PPARGC1A: variants seen among roughly 807,000 people sequenced by gnomAD.
The protein encoded by PPARGC1A is peroxisome proliferator-activated receptor gamma coactivator 1-alpha.
In PPARGC1A, 25 loss-of-function variants were observed where a neutral mutation model predicts 88.7. That is an observed-to-expected ratio of 0.28 (90% CI 0.21 to 0.39). The LOEUF (loss-of-function observed/expected upper bound fraction) is 0.39. Ranked by LOEUF, PPARGC1A falls within the 10% of genes least tolerant of loss-of-function variation. The probability of loss-of-function intolerance (pLI) is 1.00; values close to 1 mark genes in which losing one functional copy is unlikely to be tolerated. For synonymous variants in PPARGC1A, 363 were observed against 355.6 expected (o/e 1.02, Z -0.24); for missense variants, 880 against 968.7 (o/e 0.91, Z 1.22).
chr4:23,890,232 AGAAAG>A, upstream of PPARGC1A: 5 of 431,892 alleles, frequency 1.2e-5, no homozygotes, highest in Non-Finnish European at 1.8e-5. Context: ...AAAAAAAAAA[AGAAAG>A]AAAAAGAAAA....
the PPARGC1A span, among the ~76,000 whole-genome samples, chr4:24,064,662 C>T: frequency 6.6e-6 from 1 of 152,236 alleles, no homozygotes; most frequent in East Asian, 1.9e-4. Context: ...GCCCCTTGTC[C>T]TTTCATAAAA....
chr4:23,922,444 T>C, the PPARGC1A span, among the ~76,000 whole-genome samples: 1 of 152,248 alleles, frequency 6.6e-6, no homozygotes, highest in Non-Finnish European at 1.5e-5. Context: ...GTGGAATAGA[T>C]GCATTCACAC....
chr4:24,058,467 G>A, the PPARGC1A span, among the ~76,000 whole-genome samples: 12 of 152,136 alleles, frequency 7.9e-5, no homozygotes, highest in East Asian at 7.8e-4. Context: ...TACTTCTGCC[G>A]CCTACACACT....
intron 12 of PPARGC1A, among the ~76,000 whole-genome samples, chr4:23,797,181 C>T (rs1173409191): frequency 6.6e-6 from 1 of 152,058 alleles, no homozygotes; most frequent in Non-Finnish European, 1.5e-5. Flanking sequence ...ATTACAGTCT[C>T]AATCATAAAA....
the PPARGC1A span, among the ~76,000 whole-genome samples, chr4:23,944,570 T>C: frequency 1.3e-5 from 2 of 152,190 alleles, no homozygotes; most frequent in African/African-American, 4.8e-5. Context: ...TGATATGGTT[T>C]GGCTGTTTCC....
chr4:24,367,376 C>T, the PPARGC1A span, among the ~76,000 whole-genome samples: 1 of 152,180 alleles, frequency 6.6e-6, no homozygotes, highest in Non-Finnish European at 1.5e-5. Flanking sequence ...AAGAAAACTT[C>T]TGATCCTCAA....
chr4:23,812,937 G>T, intron 9 of PPARGC1A, 70 bp from the exon 10 acceptor site: 2 of 1,612,662 alleles, frequency 1.2e-6, no homozygotes, highest in Admixed American at 3.3e-5. Context: ...AATAATATGG[G>T]GAGGGGTATA....
At chr4:24,413,050 T>C in the PPARGC1A span, among the ~76,000 whole-genome samples, 2 of 152,190 alleles carry the variant, frequency 1.3e-5, no homozygotes, top group African/African-American at 2.4e-5. Context: ...CAAAGGCAGT[T>C]TCTTGTATGG....
the PPARGC1A span, among the ~76,000 whole-genome samples, chr4:24,049,494 A>T: frequency 4.6e-5 from 7 of 151,944 alleles, no homozygotes; most frequent in African/African-American, 1.7e-4. Flanking sequence ...TTTGTCGGGG[A>T]AAACGGGAAG....
chr4:24,275,102 T>C, the PPARGC1A span, among the ~76,000 whole-genome samples: 1 of 152,256 alleles, frequency 6.6e-6, no homozygotes, highest in Non-Finnish European at 1.5e-5. Context: ...TGCTTCAATT[T>C]TGGAAAGAAA....
chr4:24,123,282 G>A, the PPARGC1A span, among the ~76,000 whole-genome samples: 1 of 152,134 alleles, frequency 6.6e-6, no homozygotes, highest in Non-Finnish European at 1.5e-5. Context: ...GGGACTGGAT[G>A]GATTTGGATC....
At chr4:24,094,885 G>T in the PPARGC1A span, among the ~76,000 whole-genome samples, 1 of 152,104 alleles carries the variant, frequency 6.6e-6, no homozygotes, top group Admixed American at 6.5e-5. Flanking sequence ...ATCAAGGAAA[G>T]TATGTATAAT....
the PPARGC1A span, among the ~76,000 whole-genome samples, chr4:24,020,012 T>A: frequency 6.6e-6 from 1 of 152,222 alleles, no homozygotes; most frequent in South Asian, 2.1e-4. Flanking sequence ...TTATCTCATT[T>A]TTCCTACCTT....
At chr4:24,111,405 T>G in the PPARGC1A span, among the ~76,000 whole-genome samples, 1 of 152,222 alleles carries the variant, frequency 6.6e-6, no homozygotes, top group South Asian at 2.1e-4. Context: ...AGATATTTTT[T>G]GACACACATT....
At chr4:23,796,546 T>C (rs562938517) in intron 12 of PPARGC1A, among the ~76,000 whole-genome samples, 1 of 152,258 alleles carries the variant, frequency 6.6e-6, no homozygotes, top group South Asian at 2.1e-4. Context: ...CAGGTATAAA[T>C]AAAGCCATGC....
At chr4:24,443,302 A>G in the PPARGC1A span, among the ~76,000 whole-genome samples, 8 of 151,170 alleles carry the variant, frequency 5.3e-5, no homozygotes, top group African/African-American at 2.0e-4. Context: ...AGAACCGTAA[A>G]GAGTAGGGAA....
At chr4:23,970,544 G>T in the PPARGC1A span, among the ~76,000 whole-genome samples, 2 of 152,214 alleles carry the variant, frequency 1.3e-5, no homozygotes, top group Non-Finnish European at 2.9e-5. Context: ...TACTGAGGGG[G>T]TAGGTAACGG....
the PPARGC1A span, among the ~76,000 whole-genome samples, chr4:23,971,562 G>C: frequency 6.6e-6 from 1 of 152,160 alleles, no homozygotes; most frequent in Admixed American, 6.5e-5. Context: ...CGATGTTTGA[G>C]GGCAGGAAGC....
At chr4:24,332,360 A>C in the PPARGC1A span, among the ~76,000 whole-genome samples, 1 of 152,166 alleles carries the variant, frequency 6.6e-6, no homozygotes, top group African/African-American at 2.4e-5. Context: ...TTAGTACGAC[A>C]TGCATTAATA....
Sources: gnomAD v4.1 joint callset for allele counts (sites outside exome capture counted in the v4.1 genomes callset) on GRCh38, gnomAD v4.1.1 for gene constraint, MANE v1.5 for transcripts, NCBI Gene and HGNC (gene_info 2026-07-23, HGNC 2026-07-21) for gene names.